The following TENM1 variants were observed in gnomAD, a reference collection of about 807,000 sequenced individuals.
The protein encoded by TENM1 is teneurin-1.
Under a neutral mutation model 174.8 loss-of-function variants are expected in TENM1, and 35 were observed. That is an observed-to-expected ratio of 0.20 (90% CI 0.15 to 0.27). The LOEUF (loss-of-function observed/expected upper bound fraction) is 0.27, where lower values mean the gene tolerates loss of function less well. Ranked by LOEUF, TENM1 falls within the 10% of genes least tolerant of loss-of-function variation. The pLI, the probability that TENM1 is intolerant of heterozygous loss-of-function variation, is 1.00. For missense variants in TENM1, 1,633 were observed against 2,130.1 expected (o/e 0.77, Z 4.59); for synonymous variants, 781 against 798.7 (o/e 0.98, Z 0.37).
At chrX:124,731,061 A>G (rs1569416691) in intron 4 of TENM1, among the ~76,000 whole-genome samples, 2 of 111,793 alleles carry the variant, frequency 1.8e-5, no homozygotes, top group African/African-American at 6.5e-5. Context: ...CAGGTGCCAA[A>G]ATAAAGGGAT....
the TENM1 span, among the ~76,000 whole-genome samples, chrX:125,060,096 C>G: frequency 3.7e-5 from 4 of 108,687 alleles, no homozygotes; most frequent in Non-Finnish European, 7.7e-5. Flanking sequence ...AGCCCCATAA[C>G]TGCGTAAGAT....
chrX:124,385,358 C>T (rs2060206701), intron 29 of TENM1, among the ~76,000 whole-genome samples: 1 of 112,070 alleles, frequency 8.9e-6, no homozygotes, highest in South Asian at 3.7e-4. Context: ...GAGCTAGTTT[C>T]AGTGAGACTT....
intron 1 of TENM1, among the ~76,000 whole-genome samples, chrX:124,941,012 CA>C (rs748588118): frequency 2.7e-5 from 3 of 111,015 alleles, no homozygotes; most frequent in African/African-American, 9.8e-5. Context: ...CTTTTCCATC[CA>C]AAAAAACAAA....
At chrX:124,653,888 T>TA in intron 6 of TENM1, 105 bp from the exon 10 acceptor site, 1 of 688,128 alleles carries the variant, frequency 1.5e-6, no homozygotes. Flanking sequence ...CTTACTCAGC[T>TA]TTTTCTTCCT....
chrX:125,157,437 A>G, the TENM1 span, among the ~76,000 whole-genome samples: 1 of 112,265 alleles, frequency 8.9e-6, no homozygotes, highest in Non-Finnish European at 1.9e-5. Context: ...TGCTGCATGC[A>G]GATAGACATT....
intron 11 of TENM1, among the ~76,000 whole-genome samples, chrX:124,584,123 C>T (rs2049417542): frequency 9.1e-6 from 1 of 110,199 alleles, no homozygotes; most frequent in Non-Finnish European, 1.9e-5. Context: ...AGGATATTAT[C>T]CAGGAGAACT....
chrX:125,033,717 C>G, the TENM1 span, among the ~76,000 whole-genome samples: 28 of 103,561 alleles, frequency 2.7e-4, no homozygotes, highest in African/African-American at 7.6e-4. Flanking sequence ...TGCAGATTTG[C>G]TTTTTTTTTT....
At chrX:124,841,754 T>C (rs2056505884) in intron 3 of TENM1, among the ~76,000 whole-genome samples, 1 of 111,703 alleles carries the variant, frequency 9.0e-6, no homozygotes, top group Non-Finnish European at 1.9e-5. Context: ...CTCAAACCAC[T>C]GTCCACTTAC....
At chrX:125,062,238 T>C in the TENM1 span, among the ~76,000 whole-genome samples, 2 of 111,775 alleles carry the variant, frequency 1.8e-5, no homozygotes, top group African/African-American at 6.6e-5. Flanking sequence ...AACACTTTTG[T>C]TGTTATCACT....
At chrX:124,899,989 T>C (rs2057630747) in intron 1 of TENM1, among the ~76,000 whole-genome samples, 1 of 112,464 alleles carries the variant, frequency 8.9e-6, no homozygotes, top group Non-Finnish European at 1.9e-5. Context: ...GAAAAAAGTG[T>C]GGCAGTTTTC....
intron 11 of TENM1, among the ~76,000 whole-genome samples, chrX:124,572,327 T>C (rs2049074082): frequency 8.9e-6 from 1 of 111,738 alleles, no homozygotes; most frequent in African/African-American, 3.2e-5. Flanking sequence ...TTCATAATGA[T>C]TAAAGAAAAA....
At chrX:124,984,178 G>A in the TENM1 span, among the ~76,000 whole-genome samples, 1 of 111,641 alleles carries the variant, frequency 9.0e-6, no homozygotes, top group Non-Finnish European at 1.9e-5. Context: ...AATTATCAGT[G>A]GCTTCTTGTT....
chrX:124,974,247 C>T, the TENM1 span, among the ~76,000 whole-genome samples: 1 of 111,746 alleles, frequency 8.9e-6, no homozygotes, highest in Non-Finnish European at 1.9e-5. Context: ...CCCTCATTTC[C>T]TATTCATCTG....
At chrX:124,844,178 T>G (rs2056561337) in intron 3 of TENM1, among the ~76,000 whole-genome samples, 1 of 111,750 alleles carries the variant, frequency 8.9e-6, no homozygotes, top group African/African-American at 3.3e-5. Flanking sequence ...TTCTCTAGAG[T>G]TGATGGCACT....
intron 3 of TENM1, among the ~76,000 whole-genome samples, chrX:124,825,546 C>T (rs990264912): frequency 9.0e-6 from 1 of 111,084 alleles, no homozygotes; most frequent in African/African-American, 3.3e-5. Flanking sequence ...GCTACTTCTG[C>T]ACATTTTAAG....
the TENM1 span, among the ~76,000 whole-genome samples, chrX:125,070,216 A>T: frequency 3.7e-5 from 4 of 108,886 alleles, no homozygotes; most frequent in Non-Finnish European, 7.6e-5. Context: ...TAATAATAAT[A>T]GCCATTCTGA....
intron 31 of TENM1, among the ~76,000 whole-genome samples, chrX:124,381,800 T>G (rs1050136872): frequency 3.6e-5 from 4 of 111,609 alleles, no homozygotes; most frequent in Non-Finnish European, 7.5e-5. Context: ...CCTTTTTTTT[T>G]GGGCAATTTT....
intron 20 of TENM1, among the ~76,000 whole-genome samples, chrX:124,489,135 T>C (rs2047013130): frequency 1.8e-5 from 2 of 112,573 alleles, no homozygotes; most frequent in African/African-American, 6.5e-5. Flanking sequence ...CATGCTGAGG[T>C]GTCAGTGTGT....
chrX:124,383,649 C>T (rs1275444529), exon 30 of TENM1: 1 of 1,208,960 alleles, frequency 8.3e-7, no homozygotes, highest in Admixed American at 2.2e-5. Context: ...GTATACTTTG[C>T]AACATCTTGA....
Sources: gnomAD v4.1 joint callset for allele counts (sites outside exome capture counted in the v4.1 genomes callset) on GRCh38, gnomAD v4.1.1 for gene constraint, MANE v1.5 for transcripts, NCBI Gene and HGNC (gene_info 2026-07-23, HGNC 2026-07-21) for gene names.